CLN8: variants seen among roughly 807,000 people sequenced by gnomAD.
CLN8 encodes the protein CLN8 transmembrane ER and ERGIC protein.
A neutral mutation model predicts 15.7 loss-of-function variants in CLN8; 14 were observed. The observed-to-expected ratio is 0.89, with a 90% CI of 0.59 to 1.39. The LOEUF is 1.39. Ranked by LOEUF, CLN8 falls within the 40% of genes most tolerant of loss-of-function variation. The pLI is 0.00. For missense variants in CLN8, 415 were observed against 364.0 expected (o/e 1.14, Z -1.14); for synonymous variants, 188 against 151.0 (o/e 1.25, Z -1.80).
chr8:1,763,301 C>G (rs1050012186), upstream of CLN8: 2 of 150,686 alleles, frequency 1.3e-5, no homozygotes, highest in African/African-American at 4.9e-5. Context: ...CCACCGCCCC[C>G]ATGCCGCCGC....
At chr8:1,760,982 G>A (rs183413891), upstream of CLN8, among the ~76,000 whole-genome samples, 9 of 150,218 alleles carry the variant, frequency 6.0e-5, no homozygotes, top group South Asian at 2.1e-4. Context: ...ATTTCAGTGC[G>A]TAACTACATC....
chr8:1,775,902 G>C (rs1357043387), intron 2 of CLN8, among the ~76,000 whole-genome samples: 1 of 152,222 alleles, frequency 6.6e-6, no homozygotes, highest in Non-Finnish European at 1.5e-5. Flanking sequence ...TAACAAAGAC[G>C]ATTCTCAGTC....
chr8:1,755,895 G>A (rs575124133), exon 1 of CLN8: 2 of 152,308 alleles, frequency 1.3e-5, no homozygotes, highest in South Asian at 2.1e-4. Context: ...GACATTGCAT[G>A]TCTCATCCCA....
At chr8:1,763,081 G>C (rs1287282497), upstream of CLN8, 1 of 152,162 alleles carries the variant, frequency 6.6e-6, no homozygotes, top group Non-Finnish European at 1.5e-5. Flanking sequence ...CAGAAGGGCC[G>C]GGGATGCGCT....
At chr8:1,759,322 G>C (rs1800739154), upstream of CLN8, 2 of 152,180 alleles carry the variant, frequency 1.3e-5, no homozygotes, top group South Asian at 4.1e-4. Context: ...GATAGGTGCA[G>C]GGGCCACTGC....
intron 1 of CLN8, chr8:1,764,846 C>T (rs1800983583): frequency 6.6e-6 from 1 of 152,274 alleles, no homozygotes; most frequent in Non-Finnish European, 1.5e-5. Context: ...TGGCGCGAGG[C>T]GGCTGCTTCT....
intron 2 of CLN8, among the ~76,000 whole-genome samples, chr8:1,773,373 G>A (rs896579818): frequency 6.6e-6 from 1 of 152,216 alleles, no homozygotes; most frequent in Non-Finnish European, 1.5e-5. Flanking sequence ...TGGTGAGTGC[G>A]TGGTTTGGGC....
chr8:1,759,643 G>A (rs1010545583), upstream of CLN8: 3 of 152,250 alleles, frequency 2.0e-5, no homozygotes, highest in African/African-American at 7.2e-5. Context: ...AGTTAGGTCA[G>A]GTAGAGTCTT....
chr8:1,786,050 G>C lies in CLN8; in HGVS notation c.*5483G>C, dbSNP rs895677008. On this transcript the variant is annotated 3_prime_UTR_variant, in exon 3 of 3. Transcript: ENST00000331222. ...AACTGCAGGAAGCTGCCACCTCTGG[G>C]GTCAGAATATGCCCAGCCTGCGGGG... 6.5e-6 allele frequency: 1 copy of C among 153,746 alleles called. No individual in the cohort carries two copies. The highest frequency in any genetic ancestry group is 1.4e-5 in the Non-Finnish European group (1 of 69,016). 9.5% of individuals were successfully genotyped at this position (153,746 alleles called of 1,614,324 possible).
chr8:1,771,246 G>C lies in CLN8; in HGVS notation c.192G>C (p.Trp64Cys). The C allele has an allele frequency of 6.2e-7, 1 of 1,613,576 alleles. No homozygotes were observed. Among genetic ancestry groups the C allele is most frequent in the Non-Finnish European group, 8.5e-7 (1 of 1,179,600 alleles). ...TGGTGGCCAGAGAGAAGGTCTTCTGGGACCTGGCGGCCACGCGTGCAGTCT... is the reference window on the plus strand; with the variant it reads ...TGGTGGCCAGAGAGAAGGTCTTCTGCGACCTGGCGGCCACGCGTGCAGTCT... ...RSLVAREKVFWDLAATRAVFG... is the reference protein window; with the variant it reads ...RSLVAREKVFCDLAATRAVFG... The change falls in exon 2 of 3, where the codon TGG (tryptophan) becomes TGC (cysteine). Residue 64 changes from tryptophan to cysteine, a missense_variant. Trp to Cys is a radical substitution (Grantham distance 215). Coordinates refer to ENST00000331222, the MANE Select transcript of CLN8 (RefSeq NM_018941.4).
Position 1,780,669 on chromosome 8 carries a change from G to A in CLN8, c.*102G>A. On this transcript the variant is annotated 3_prime_UTR_variant, in exon 3 of 3. Transcript: ENST00000331222. ...GAATTAATGAGGCAGTGAATGTTTT[G>A]TGTTTACTTCTAAGGGAAATACTAA... 2.8e-6 allele frequency: 3 copies of A among 1,080,752 alleles called. No homozygotes were observed. Among genetic ancestry groups the A allele is most frequent in the Admixed American group, 2.1e-5 (1 of 47,208 alleles). 66.9% of individuals were successfully genotyped at this position (1,080,752 alleles called of 1,614,324 possible). A position where few individuals can be genotyped will look rare whatever the true frequency, so the allele number is the denominator to read the frequency against.
chr8:1,779,829 C>T (rs775206135), intron 2 of CLN8: 34 of 395,560 alleles, frequency 8.6e-5, no homozygotes, highest in Non-Finnish European at 1.2e-4. Context: ...CCCCCATGAC[C>T]TCATCACTTC....
At chr8:1,757,435 T>C (rs966602970) in intron 1 of CLN8, among the ~76,000 whole-genome samples, 13 of 152,120 alleles carry the variant, frequency 8.5e-5, no homozygotes, top group African/African-American at 2.4e-4. Flanking sequence ...TCAAGGCACT[T>C]TTTTTGGTTT....
In CLN8 at chr8:1,784,483, C is replaced by T. The variant is rs1403535595; in HGVS notation, c.*3916C>T. On this transcript the variant is annotated 3_prime_UTR_variant, in exon 3 of 3. Transcript: ENST00000331222. ...CCATTTGCAAGAGTAGGGGGCCCCA[C>T]CTCTTAATACCACCGCAATGACAAT... 6.6e-6 allele frequency: 1 copy of T among 152,164 alleles called. No individual in the cohort carries two copies. Among genetic ancestry groups the T allele is most frequent in the East Asian group, 1.9e-4 (1 of 5,184 alleles). 9.4% of individuals were successfully genotyped at this position (152,164 alleles called of 1,614,324 possible).
upstream of CLN8, chr8:1,762,976 G>A (rs1193251471): frequency 6.6e-6 from 1 of 152,142 alleles, no homozygotes; most frequent in Non-Finnish European, 1.5e-5. Context: ...TAAGTAACTC[G>A]AATAACAACC....
At chr8:1,777,150 C>A (rs1273267869) in intron 2 of CLN8, among the ~76,000 whole-genome samples, 1 of 152,200 alleles carries the variant, frequency 6.6e-6, no homozygotes, top group Non-Finnish European at 1.5e-5. Context: ...AGGCTGCATA[C>A]CTGTACAGCA....
upstream of CLN8, among the ~76,000 whole-genome samples, chr8:1,761,088 C>T (rs1442730742): frequency 3.1e-5 from 4 of 129,792 alleles, no homozygotes; most frequent in African/African-American, 6.0e-5. Context: ...GGCATGATCT[C>T]GGCTCACTGC....
chr8:1,781,463 T>C lies in CLN8; in HGVS notation c.*896T>C, dbSNP rs913083213. The C allele has an allele frequency of 2.7e-5, 4 of 150,726 alleles. No homozygotes were observed. Among genetic ancestry groups the C allele is most frequent in the South Asian group, 4.2e-4 (2 of 4,788 alleles). 9.3% of individuals were successfully genotyped at this position (150,726 alleles called of 1,614,324 possible). On this transcript the variant is annotated 3_prime_UTR_variant, in exon 3 of 3. Transcript: ENST00000331222. The stretch of plus-strand genomic sequence containing the variant: ...CAACGCTGAGGGGTAGTGACTCCTG[T>C]AGCAGCAGAGACGCCTTGGAGTTTA...
chr8:1,766,383 G>GTTTTTT lies in CLN8; in HGVS notation c.-124+2499_-124+2504dup, dbSNP rs1447639643. On this transcript the variant is annotated intron_variant, in intron 1 of 2. Coordinates refer to ENST00000331222, the MANE Select transcript of CLN8 (RefSeq NM_018941.4). ...ATGAGTCCATTAGGTTCGGCCTCCA[G>GTTTTTT]TTTTTTGTTTTTTTTTTTTTTTTTG... Among the ~76,000 whole-genome samples the GTTTTTT allele has an allele frequency of 1.1e-3, 135 of 120,922 alleles. 1 individual carries two copies. Among genetic ancestry groups the GTTTTTT allele is most frequent in the African/African-American group, 4.3e-3 (131 of 30,446 alleles). The allele number at this position is 120,922 out of a possible 152,430, so 79.3% of individuals were successfully genotyped here. A position where few individuals can be genotyped will look rare whatever the true frequency, so the allele number is the denominator to read the frequency against.
Sources: allele counts gnomAD v4.1 joint callset (sites outside exome capture counted in the v4.1 genomes callset), GRCh38; gene constraint gnomAD v4.1.1; transcripts MANE v1.5; gene names NCBI Gene and HGNC (gene_info 2026-07-23, HGNC 2026-07-21).